The following OASL variants were observed in gnomAD, a reference collection of about 807,000 sequenced individuals.
The protein encoded by OASL is 2'-5'-oligoadenylate synthetase like.
In OASL, 28 loss-of-function variants were observed where a neutral mutation model predicts 35.3. The observed-to-expected ratio is 0.79, with a 90% CI of 0.59 to 1.09. OASL has a LOEUF of 1.09. Among genes scored for constraint, OASL ranks in the 50% least tolerant of loss-of-function variants. The probability of loss-of-function intolerance (pLI) is 0.00; values close to 1 mark genes in which losing one functional copy is unlikely to be tolerated. For synonymous variants in OASL, 252 were observed against 254.6 expected (o/e 0.99, Z 0.10); for missense variants, 620 against 635.2 (o/e 0.98, Z 0.26).
chr12:121,022,476 C>A (rs1869286780), intron 5 of OASL, among the ~76,000 whole-genome samples: 1 of 152,200 alleles, frequency 6.6e-6, no homozygotes, highest in Non-Finnish European at 1.5e-5. Context: ...CGCCTCAGCC[C>A]CTCAAAGTGC....
At chr12:121,020,280 T>G (rs903545085) in exon 6 of OASL, 4 of 304,442 alleles carry the variant, frequency 1.3e-5, no homozygotes, top group African/African-American at 2.2e-5. Context: ...ACTACAAATG[T>G]GCACAACCAC....
chr12:121,027,605 A>T (rs199515027), exon 4 of OASL: 1 of 1,613,570 alleles, frequency 6.2e-7, no homozygotes, highest in Non-Finnish European at 8.5e-7. Context: ...TTCTGACACA[A>T]TCCTCAATGA....
At chr12:121,021,196 A>G in intron 5 of OASL, 138 bp from the exon 6 acceptor site, 6 of 812,072 alleles carry the variant, frequency 7.4e-6, no homozygotes, top group Non-Finnish European at 1.1e-5. Context: ...AGTGGTAAGC[A>G]CTTTCCAGGC....
chr12:121,020,497 G>A, exon 6 of OASL: 2 of 1,493,294 alleles, frequency 1.3e-6, no homozygotes, highest in East Asian at 2.3e-5. Context: ...ATGGGACAGA[G>A]TGATTGACAG....
intron 5 of OASL, among the ~76,000 whole-genome samples, chr12:121,022,764 T>TC (rs952304915): frequency 3.0e-4 from 45 of 152,078 alleles, no homozygotes; most frequent in African/African-American, 1.1e-3. Flanking sequence ...TGTCTATATC[T>TC]CCCCCCGGCC....
intron 3 of OASL, among the ~76,000 whole-genome samples, chr12:121,029,516 G>A (rs1348921597): frequency 2.6e-5 from 4 of 152,048 alleles, no homozygotes; most frequent in African/African-American, 9.7e-5. Flanking sequence ...GTGAAACCCC[G>A]TCTCTACTAA....
intron 1 of OASL, among the ~76,000 whole-genome samples, chr12:121,036,506 G>A (rs544094586): frequency 9.9e-5 from 15 of 152,064 alleles, no homozygotes; most frequent in South Asian, 2.1e-4. Context: ...ATTCTTGGCC[G>A]GGCGTGGTGG....
rs1869537337 is a variant in OASL at position 121,027,516 on chromosome 12, T to C, written c.899+60A>G. On this transcript the variant is annotated intron_variant, in intron 4 of 5. Coordinates refer to ENST00000257570, the Ensembl canonical transcript of OASL. The stretch of plus-strand genomic sequence containing the variant: ...CAATCCATAAAACTCTATGCCACGT[T>C]ACACTAGCCCGTCTCTCTTTTTTTC... The C allele has an allele frequency of 2.5e-6, 4 of 1,604,330 alleles. No homozygotes were observed. In the Admixed American group the frequency reaches 6.7e-5, roughly 27 times the overall value.
intron 3 of OASL, among the ~76,000 whole-genome samples, chr12:121,030,072 AC>A (rs1250831175): frequency 6.6e-6 from 1 of 152,028 alleles, no homozygotes; most frequent in Non-Finnish European, 1.5e-5. Flanking sequence ...ACGGGGTTTC[AC>A]TATGTTGCTC....
intron 1 of OASL, 59 bp downstream of exon 1, chr12:121,038,715 G>T: frequency 6.4e-7 from 1 of 1,560,954 alleles, no homozygotes; most frequent in Non-Finnish European, 8.8e-7. Context: ...CATCCCCAGG[G>T]ACGTGGACTC....
intron 5 of OASL, among the ~76,000 whole-genome samples, chr12:121,023,365 T>G (rs567303998): frequency 2.0e-5 from 3 of 148,066 alleles, no homozygotes; most frequent in Non-Finnish European, 4.5e-5. Flanking sequence ...CTCAGCTCAC[T>G]GCAGCCCCCA....
chr12:121,024,608 A>T (rs1181510381), intron 4 of OASL, among the ~76,000 whole-genome samples: 3 of 151,508 alleles, frequency 2.0e-5, no homozygotes, highest in Non-Finnish European at 2.9e-5. Context: ...ACCGAGTGAG[A>T]CTGTCTCAAA....
chr12:121,028,340 A>G (rs1354904397), intron 3 of OASL, among the ~76,000 whole-genome samples: 1 of 152,188 alleles, frequency 6.6e-6, no homozygotes, highest in Non-Finnish European at 1.5e-5. Context: ...TGACTGGCAC[A>G]GTCCTATCAG....
intron 4 of OASL, among the ~76,000 whole-genome samples, chr12:121,025,232 T>A (rs61953352): frequency 0.14 from 20,983 of 151,666 alleles, 1,776 homozygotes; most frequent in Non-Finnish European, 0.19. Context: ...TGCCTTGGCC[T>A]CCCAAAGTGC....
intron 3 of OASL, 57 bp from the exon 4 acceptor site, chr12:121,027,874 T>A: frequency 2.7e-6 from 4 of 1,492,232 alleles, no homozygotes; most frequent in Non-Finnish European, 3.7e-6. Context: ...TGTGTAAGGA[T>A]GGCGTTGGAC....
intron 4 of OASL, among the ~76,000 whole-genome samples, chr12:121,025,127 G>A (rs1025528922): frequency 3.9e-4 from 59 of 151,838 alleles, no homozygotes; most frequent in Non-Finnish European, 6.2e-4. Flanking sequence ...ACAGGTACCC[G>A]CCACCACGCC....
intron 1 of OASL, 127 bp downstream of exon 1, chr12:121,038,647 G>A (rs1870050597): frequency 9.9e-6 from 8 of 805,886 alleles, no homozygotes; most frequent in Non-Finnish European, 1.6e-5. Context: ...TAGGTGGGAT[G>A]GGGTATTCTG....
Position 121,031,432 on chromosome 12 carries a change from G to A in OASL, c.657+10C>T. ...TCTCCTTGCCCCTGCCATCCTGGCA[G>A]CCCCCTCACCTGCTGGTACCAGTGT... On this transcript the variant is annotated intron_variant, in intron 3 of 5. Transcript: ENST00000257570. 1 of 1,611,118 alleles carries A rather than the reference G, an allele frequency of 6.2e-7. No homozygotes were observed. The highest frequency in any genetic ancestry group is 8.5e-7 in the Non-Finnish European group (1 of 1,178,650).
chr12:121,033,335 A>G, intron 2 of OASL, 126 bp downstream of exon 2: 1 of 947,514 alleles, frequency 1.1e-6, no homozygotes, highest in Non-Finnish European at 1.6e-6. Flanking sequence ...CCCAGCCCCA[A>G]GCATAGGACA....
Sources: allele counts gnomAD v4.1 joint callset (sites outside exome capture counted in the v4.1 genomes callset), GRCh38; gene constraint gnomAD v4.1.1; transcripts MANE v1.5; gene names NCBI Gene and HGNC (gene_info 2026-07-23, HGNC 2026-07-21).